The following ATP8A2 variants were observed in gnomAD, a reference collection of about 807,000 sequenced individuals.
ATP8A2 encodes ATPase phospholipid transporting 8A2.
A neutral mutation model predicts 165.6 loss-of-function variants in ATP8A2; 100 were observed. The ratio of observed to expected loss-of-function variants is 0.60; its 90% CI spans 0.51 to 0.71. The LOEUF (loss-of-function observed/expected upper bound fraction) is 0.71. ATP8A2 is among the 30% of genes least tolerant of loss of function. The probability of loss-of-function intolerance (pLI) is 0.00; values close to 1 mark genes in which losing one functional copy is unlikely to be tolerated. For missense variants in ATP8A2, 1,227 were observed against 1,479.5 expected, an observed-to-expected ratio of 0.83 and a Z score of 2.80; for synonymous variants, 543 against 548.8, an observed-to-expected ratio of 0.99 and a Z score of 0.15.
chr13:25,554,617 G>C (rs1198746992), intron 12 of ATP8A2, among the ~76,000 whole-genome samples: 1 of 151,344 alleles, frequency 6.6e-6, no homozygotes, highest in African/African-American at 2.4e-5. Flanking sequence ...GGAGTAAAGT[G>C]GTGTGATCTT....
At chr13:25,439,402 G>A (rs1265539762) in intron 1 of ATP8A2, among the ~76,000 whole-genome samples, 4 of 152,150 alleles carry the variant, frequency 2.6e-5, no homozygotes, top group African/African-American at 9.7e-5. Context: ...GAGGGCTCCA[G>A]ACTCTATTAG....
chr13:25,394,553 C>G (rs529955315), intron 1 of ATP8A2, among the ~76,000 whole-genome samples: 1 of 152,250 alleles, frequency 6.6e-6, no homozygotes, highest in Non-Finnish European at 1.5e-5. Context: ...AAGCAGGAGG[C>G]GGCAGAGACC....
chr13:26,017,498 G>A (rs893651937), intron 36 of ATP8A2, among the ~76,000 whole-genome samples: 1 of 152,244 alleles, frequency 6.6e-6, no homozygotes, highest in Non-Finnish European at 1.5e-5. Flanking sequence ...GATTGGGGAT[G>A]AGAGTGTGTG....
chr13:26,011,139 G>A (rs1203734044), intron 35 of ATP8A2, among the ~76,000 whole-genome samples: 1 of 152,156 alleles, frequency 6.6e-6, no homozygotes, highest in Non-Finnish European at 1.5e-5. Flanking sequence ...AAACGTAAGG[G>A]GGGTCTGTAT....
At chr13:25,397,558 T>C (rs1193899404) in intron 1 of ATP8A2, among the ~76,000 whole-genome samples, 1 of 152,070 alleles carries the variant, frequency 6.6e-6, no homozygotes, top group East Asian at 1.9e-4. Context: ...GGGGACCCAT[T>C]TTTCTCTTCA....
At chr13:25,515,525 T>C (rs1388690715) in intron 2 of ATP8A2, among the ~76,000 whole-genome samples, 1 of 152,262 alleles carries the variant, frequency 6.6e-6, no homozygotes. Context: ...GAAGGCGTCT[T>C]GGAGGCATGT....
chr13:25,434,717 G>A (rs183947820), intron 1 of ATP8A2, among the ~76,000 whole-genome samples: 2 of 152,098 alleles, frequency 1.3e-5, no homozygotes, highest in East Asian at 1.9e-4. Flanking sequence ...TTATTTTCCC[G>A]TGTTCCCCAG....
At chr13:25,607,268 C>T (rs972198754) in intron 24 of ATP8A2, among the ~76,000 whole-genome samples, 1 of 152,154 alleles carries the variant, frequency 6.6e-6, no homozygotes, top group African/African-American at 2.4e-5. Flanking sequence ...AGGACAAGGG[C>T]TGGCCAGCTC....
intron 24 of ATP8A2, among the ~76,000 whole-genome samples, chr13:25,605,427 A>T (rs1057289774): frequency 1.3e-5 from 2 of 152,158 alleles, no homozygotes; most frequent in African/African-American, 4.8e-5. Flanking sequence ...TAATGTTGAA[A>T]AATATATATT....
chr13:25,984,079 T>TA (rs962444614), intron 35 of ATP8A2, among the ~76,000 whole-genome samples: 10 of 151,332 alleles, frequency 6.6e-5, no homozygotes, highest in East Asian at 2.0e-4. Flanking sequence ...ACAAAAGTTT[T>TA]AAAAAAAATT....
At position 25,953,101 on chromosome 13, in the gene ATP8A2, T is replaced by C. The variant is rs566009530; in HGVS notation, c.3184-8474T>C. 6.6e-6 allele frequency among the ~76,000 whole-genome samples: 1 copy of C among 152,180 alleles called. No homozygotes were observed. Among genetic ancestry groups the C allele is most frequent in the South Asian group, 2.1e-4 (1 of 4,822 alleles). On this transcript the variant is annotated intron_variant, in intron 33 of 36. Coordinates refer to ENST00000381655, the MANE Select transcript of ATP8A2 (RefSeq NM_016529.6). This position sits in a 1 kb window ranked among gnomAD's most constrained non-coding sequence, Gnocchi z 6.7. ...TTCCAAATCCGATTGTCCTGACAGGTTTTGTTTTATTTTGTTGTTGTGTTG... is the reference window on the plus strand; with the variant it reads ...TTCCAAATCCGATTGTCCTGACAGGCTTTGTTTTATTTTGTTGTTGTGTTG...
At chr13:25,503,190 CAA>C (rs2036912573) in intron 2 of ATP8A2, among the ~76,000 whole-genome samples, 1 of 152,184 alleles carries the variant, frequency 6.6e-6, no homozygotes, top group African/African-American at 2.4e-5. Context: ...GGGACTTACG[CAA>C]AGTTGTGTGA....
intron 23 of ATP8A2, 41 bp from the exon 24 acceptor site, chr13:25,589,594 A>C (rs748045468): frequency 6.7e-7 from 1 of 1,503,484 alleles, no homozygotes; most frequent in Non-Finnish European, 9.2e-7. Context: ...AGCTCACAGA[A>C]GGAAAGAGAA....
chr13:25,882,479 G>A (rs2138857578), intron 33 of ATP8A2, among the ~76,000 whole-genome samples: 1 of 152,124 alleles, frequency 6.6e-6, no homozygotes, highest in East Asian at 1.9e-4. Context: ...ATACAAAAAA[G>A]ACTAAGTTCG....
chr13:25,894,889 C>T (rs959618881), intron 33 of ATP8A2, among the ~76,000 whole-genome samples: 4 of 152,022 alleles, frequency 2.6e-5, no homozygotes, highest in South Asian at 2.1e-4. Flanking sequence ...GATTTTGTAT[C>T]CTGAGACTTT....
intron 24 of ATP8A2, among the ~76,000 whole-genome samples, chr13:25,675,733 A>T (rs190456254): frequency 6.6e-6 from 1 of 151,982 alleles, no homozygotes. Flanking sequence ...TATTGAAAAT[A>T]CTCTCCTGGG....
At chr13:25,611,064 C>T (rs2040672613) in intron 24 of ATP8A2, among the ~76,000 whole-genome samples, 1 of 151,906 alleles carries the variant, frequency 6.6e-6, no homozygotes, top group Non-Finnish European at 1.5e-5. Flanking sequence ...TAAGGGTTTT[C>T]TAGGTATATG....
intron 25 of ATP8A2, among the ~76,000 whole-genome samples, chr13:25,739,139 C>T (rs2043852109): frequency 6.6e-6 from 1 of 152,224 alleles, no homozygotes; most frequent in Admixed American, 6.5e-5. Flanking sequence ...TGGTGTTTCT[C>T]TCAGGTGTCT....
chr13:25,575,780 G>A (rs956197611), intron 19 of ATP8A2, among the ~76,000 whole-genome samples: 12 of 152,070 alleles, frequency 7.9e-5, no homozygotes, highest in Admixed American at 5.9e-4. Context: ...GGAGGTGAGC[G>A]ACGTGCTAGG....
Sources: allele counts gnomAD v4.1 joint callset (sites outside exome capture counted in the v4.1 genomes callset), GRCh38; gene constraint gnomAD v4.1.1; non-coding constraint Gnocchi (gnomAD v3.1); transcripts MANE v1.5; gene names NCBI Gene and HGNC (gene_info 2026-07-23, HGNC 2026-07-21).